COLQ: variants seen among roughly 807,000 people sequenced by gnomAD.
COLQ encodes the protein acetylcholinesterase collagenic tail peptide.
A neutral mutation model predicts 69.0 loss-of-function variants in COLQ; 48 were observed. The observed-to-expected ratio is 0.70, with a 90% CI of 0.55 to 0.88. The LOEUF (loss-of-function observed/expected upper bound fraction) is 0.88. Among genes scored for constraint, COLQ ranks in the 40% least tolerant of loss-of-function variants. COLQ has a pLI of 0.00. For synonymous variants in COLQ, 217 were observed against 211.2 expected (o/e 1.03, Z -0.24); for missense variants, 618 against 594.6 (o/e 1.04, Z -0.41).
Position 15,488,209 on chromosome 3 carries a change from G to C in COLQ, c.318C>G (p.Pro106=). ...GGGTCCGGTAGAGTGCACCAACCTG[G>C]GGGCCGGGAGGCCCAGGGGAGCCTA... is the stretch of plus-strand genomic sequence containing the variant. The part of the protein sequence containing the change: ...GSLGSPGPPG[P]QGPPGLPGKT... Residue 106 remains proline, a synonymous_variant, in exon 3 of 17, where the codon CCC becomes CCG. Transcript: ENST00000383788. 2 of 1,610,832 alleles carry C rather than the reference G, an allele frequency of 1.2e-6. No individual in the cohort carries two copies. The highest frequency in any genetic ancestry group is 2.2e-5 in the South Asian group (2 of 91,052).
chr3:15,464,839 G>A (rs1025774246), intron 12 of COLQ, among the ~76,000 whole-genome samples: 3 of 152,196 alleles, frequency 2.0e-5, no homozygotes, highest in African/African-American at 7.2e-5. Flanking sequence ...GCTGACAAGG[G>A]AACGAAATAA....
rs757698575 is a variant in COLQ, at chr3:15,521,530, T to C, written c.96A>G (p.Pro32=). The change falls in exon 1 of 17, where the codon CCA becomes CCG. Residue 32 remains proline, a synonymous_variant. Transcript: ENST00000383788. ...GTGGCCATCATTTACCTGCTGAGATTGGAAGAACGCTGTTGATGAAAGTCG... is the reference window on the plus strand; with the variant it reads ...GTGGCCATCATTTACCTGCTGAGATCGGAAGAACGCTGTTGATGAAAGTCG... ...SQPTFINSVL[P]ISAALPSLDQ... The C allele has an allele frequency of 2.5e-6, 4 of 1,614,144 alleles. No homozygotes were observed. The South Asian group carries it at 4.4e-5, about 18-fold the overall frequency.
At chr3:15,468,379 C>T (rs2062232500) in intron 11 of COLQ, among the ~76,000 whole-genome samples, 1 of 124,748 alleles carries the variant, frequency 8.0e-6, no homozygotes, top group South Asian at 2.8e-4. Flanking sequence ...GTCGCCCAGG[C>T]TGGAGTGCAG....
intron 1 of COLQ, among the ~76,000 whole-genome samples, chr3:15,517,721 C>T (rs12495710): frequency 0.12 from 17,923 of 152,172 alleles, 1,360 homozygotes; most frequent in Middle Eastern, 0.23. Flanking sequence ...ATACACCAAA[C>T]GTGGGAATCT....
intron 12 of COLQ, among the ~76,000 whole-genome samples, chr3:15,460,760 G>A (rs1240204089): frequency 2.0e-5 from 3 of 152,186 alleles, no homozygotes; most frequent in Non-Finnish European, 4.4e-5. Flanking sequence ...TCCAGTCTGT[G>A]TTCTGATATT....
At chr3:15,467,080 A>G (rs902521983) in intron 11 of COLQ, among the ~76,000 whole-genome samples, 1 of 152,252 alleles carries the variant, frequency 6.6e-6, no homozygotes, top group African/African-American at 2.4e-5. Context: ...CATTTATCCC[A>G]GATCATAGCA....
At chr3:15,472,305 T>C (rs1342212013) in intron 10 of COLQ, among the ~76,000 whole-genome samples, 1 of 152,240 alleles carries the variant, frequency 6.6e-6, no homozygotes, top group African/African-American at 2.4e-5. Context: ...AATTTGCTTA[T>C]ATAATTAATC....
intron 1 of COLQ, among the ~76,000 whole-genome samples, chr3:15,518,806 C>T (rs904325928): frequency 6.6e-6 from 1 of 152,204 alleles, no homozygotes; most frequent in Admixed American, 6.5e-5. Context: ...GCAGAGGCCA[C>T]ATCCTACTTG....
chr3:15,466,209 A>G, intron 12 of COLQ, 132 bp downstream of exon 12: 4 of 649,972 alleles, frequency 6.2e-6, no homozygotes, highest in Non-Finnish European at 1.1e-5. Context: ...GAGAAATTAC[A>G]AAGATATTGG....
intron 8 of COLQ, among the ~76,000 whole-genome samples, chr3:15,474,622 C>G (rs544065079): frequency 6.6e-6 from 1 of 152,338 alleles, no homozygotes; most frequent in East Asian, 1.9e-4. Flanking sequence ...CATGCATCAC[C>G]AATTTCCTCC....
chr3:15,472,354 T>C (rs1030852532), intron 10 of COLQ, among the ~76,000 whole-genome samples: 1 of 152,178 alleles, frequency 6.6e-6, no homozygotes, highest in Admixed American at 6.5e-5. Flanking sequence ...GGTAGCAGAG[T>C]GTAGTTTCTG....
intron 1 of COLQ, among the ~76,000 whole-genome samples, chr3:15,518,743 T>C (rs1243897966): frequency 6.6e-6 from 1 of 152,142 alleles, no homozygotes. Context: ...TTCCGGGGCA[T>C]TTACCACACG....
chr3:15,514,718 G>A (rs2063034299), intron 1 of COLQ, among the ~76,000 whole-genome samples: 1 of 152,146 alleles, frequency 6.6e-6, no homozygotes, highest in South Asian at 2.1e-4. Flanking sequence ...CAAGCCAGCA[G>A]GGCTCCTGGT....
At position 15,466,426 on chromosome 3, in the gene COLQ, C is replaced by T. The variant is rs941592757; in HGVS notation, c.729G>A (p.Gly243=). ...CTGGTGGGCCCATAACTCCACTATC[C>T]CCTTTCTGTCCCTGACAGAGAGAAA... ...PGKRGKQGQK[G]DSGVMGPPGK... The change falls in exon 12 of 17, where the codon GGG becomes GGA. Residue 243 remains glycine (G), a synonymous_variant. Coordinates refer to ENST00000383788, the MANE Select transcript of COLQ (RefSeq NM_005677.4). 3.7e-6 allele frequency: 6 copies of T among 1,613,908 alleles called. No homozygotes were observed. The South Asian group carries it at 4.4e-5, about 12-fold the overall frequency.
Position 15,458,214 on chromosome 3 carries a change from TA to T in COLQ, c.925del (p.Tyr309MetfsTer10), listed in dbSNP as rs773636951. ...VNNPSYGESV[Y>X]GPSSPRVPVI... ...AGGAACTCGCGGGGAACTGGGCCCA[TA>T]CACAGATTCCCCGTAGGAAGGGTTA... On this transcript the variant is annotated frameshift_variant, in exon 13 of 17. Transcript: ENST00000383788. LOFTEE classifies it high-confidence loss of function. The T allele has an allele frequency of 6.2e-7, 1 of 1,613,980 alleles. No homozygotes were observed. Among genetic ancestry groups the T allele is most frequent in the Admixed American group, 1.7e-5 (1 of 60,012 alleles).
chr3:15,496,848 G>A (rs1344243455), intron 1 of COLQ, among the ~76,000 whole-genome samples: 2 of 152,182 alleles, frequency 1.3e-5, no homozygotes, highest in African/African-American at 2.4e-5. Flanking sequence ...TCAAGAAACT[G>A]AGGCACATCT....
chr3:15,510,206 G>T (rs948693459), intron 1 of COLQ, among the ~76,000 whole-genome samples: 1 of 151,988 alleles, frequency 6.6e-6, no homozygotes, highest in African/African-American at 2.4e-5. Flanking sequence ...GATGATAGTG[G>T]AATGAAACAT....
Position 15,488,207 on chromosome 3 carries a change from T to C in COLQ, c.320A>G (p.Gln107Arg), listed in dbSNP as rs1192341209. 2 of 1,610,122 alleles carry C rather than the reference T, an allele frequency of 1.2e-6. No homozygotes were observed. The highest frequency in any genetic ancestry group is 1.7e-6 in the Non-Finnish European group (2 of 1,178,410). ...SLGSPGPPGPQGPPGLPGKTG... is the reference protein window; with the variant it reads ...SLGSPGPPGPRGPPGLPGKTG... ...AGGGGTCCGGTAGAGTGCACCAACC[T>C]GGGGGCCGGGAGGCCCAGGGGAGCC... The change falls in exon 3 of 17, where the codon CAG becomes CGG. Residue 107 changes from glutamine (Q) to arginine (R), a missense_variant and splice_region_variant. Coordinates refer to ENST00000383788, the MANE Select transcript of COLQ (RefSeq NM_005677.4).
intron 3 of COLQ, among the ~76,000 whole-genome samples, chr3:15,481,650 T>C (rs1442488733): frequency 1.3e-5 from 2 of 152,238 alleles, no homozygotes; most frequent in African/African-American, 2.4e-5. Flanking sequence ...GGTAGTGTGA[T>C]GCCTCCAGCT....
Sources: allele counts gnomAD v4.1 joint callset (sites outside exome capture counted in the v4.1 genomes callset), GRCh38; gene constraint gnomAD v4.1.1; transcripts MANE v1.5; gene names NCBI Gene and HGNC (gene_info 2026-07-23, HGNC 2026-07-21).